CHD9: variants seen among roughly 807,000 people sequenced by gnomAD.
CHD9 encodes chromodomain helicase DNA binding protein 9.
CHD9 carries 77 observed loss-of-function variants against 316.1 expected under a neutral mutation model. The observed-to-expected ratio is 0.24, with a 90% confidence interval of 0.20 to 0.29. The LOEUF is 0.29. Among genes scored for constraint, CHD9 ranks in the 10% least tolerant of loss-of-function variants. CHD9 has a pLI of 1.00. For missense variants in CHD9, 2,763 were observed against 3,438.1 expected (o/e 0.80, Z 4.91); for synonymous variants, 1,129 against 1,158.3 (o/e 0.97, Z 0.51).
At chr16:53,080,653 A>G (rs2034940954) in intron 1 of CHD9, among the ~76,000 whole-genome samples, 1 of 152,218 alleles carries the variant, frequency 6.6e-6, no homozygotes, top group Non-Finnish European at 1.5e-5. Context: ...CTGTTGAGCC[A>G]GGAAGCGTAG....
At chr16:53,317,555 C>T (rs944868523) in intron 36 of CHD9, among the ~76,000 whole-genome samples, 6 of 152,028 alleles carry the variant, frequency 3.9e-5, no homozygotes, top group Admixed American at 1.3e-4. Context: ...TGCAGTGGCA[C>T]GATCATGGCT....
intron 3 of CHD9, among the ~76,000 whole-genome samples, chr16:53,211,546 T>C (rs2046335206): frequency 6.6e-6 from 1 of 152,172 alleles, no homozygotes; most frequent in Non-Finnish European, 1.5e-5. Context: ...TTTGGCTAAA[T>C]ACATGGTAAA....
chr16:53,291,596 A>C, intron 27 of CHD9, 129 bp from the exon 28 acceptor site: 2 of 581,230 alleles, frequency 3.4e-6, no homozygotes, highest in Non-Finnish European at 2.9e-6. Context: ...TATTTTTGCT[A>C]AATTAATTAT....
At chr16:53,204,056 TATACACACACAC>T (rs1207943832) in intron 2 of CHD9, among the ~76,000 whole-genome samples, 10 of 111,456 alleles carry the variant, frequency 9.0e-5, no homozygotes, top group East Asian at 2.7e-4. Context: ...AAAATATATA[TATACACACACAC>T]ACACACACAC....
At position 53,215,820 on chromosome 16, in the gene CHD9, G is replaced by A. The variant is rs114838454; in HGVS notation, c.1784+6007G>A. On this transcript the variant is annotated intron_variant, in intron 3 of 38. Coordinates refer to ENST00000447540, the MANE Select transcript of CHD9 (RefSeq NM_001308319.2). Reference sequence around the variant, plus strand: ...TAACACTTGGGCAGGATTGAAATAAGTGCATAAATTACATCTGAAAATCAA... The same window carrying A: ...TAACACTTGGGCAGGATTGAAATAAATGCATAAATTACATCTGAAAATCAA... Among the ~76,000 whole-genome samples the A allele has an allele frequency of 1.7e-3, 264 of 152,238 alleles. 1 individual carries two copies. Among genetic ancestry groups the A allele is most frequent in the African/African-American group, 5.7e-3 (237 of 41,540 alleles).
chr16:53,100,069 G>A (rs912386355), intron 1 of CHD9, among the ~76,000 whole-genome samples: 5 of 152,354 alleles, frequency 3.3e-5, no homozygotes, highest in Non-Finnish European at 7.3e-5. Context: ...TGCAGGGGAT[G>A]AAGCGGTGAA....
chr16:53,121,441 GC>G (rs1419411391), intron 1 of CHD9: 1 of 455,928 alleles, frequency 2.2e-6, no homozygotes, highest in Non-Finnish European at 4.4e-6. Flanking sequence ...AGGACAAGCA[GC>G]TGTTTATAAA....
At chr16:53,163,874 C>G (rs2042092241) in intron 2 of CHD9, among the ~76,000 whole-genome samples, 1 of 152,154 alleles carries the variant, frequency 6.6e-6, no homozygotes, top group South Asian at 2.1e-4. Context: ...AAGCACTGTT[C>G]TGAATACTTA....
chr16:53,236,518 A>G (rs568519261), intron 11 of CHD9, among the ~76,000 whole-genome samples: 1 of 151,926 alleles, frequency 6.6e-6, no homozygotes, highest in East Asian at 1.9e-4. Flanking sequence ...GACTATTGCC[A>G]TCCCTTCAGT....
chr16:53,251,260 C>T (rs2050103814), intron 17 of CHD9, among the ~76,000 whole-genome samples: 1 of 152,134 alleles, frequency 6.6e-6, no homozygotes, highest in African/African-American at 2.4e-5. Flanking sequence ...TACATTAAAC[C>T]CAAATCATAA....
rs191737108 is a variant in CHD9 at position 53,224,386 on chromosome 16, A to G, written c.1896+1631A>G. 3.8e-4 allele frequency among the ~76,000 whole-genome samples: 58 copies of G among 152,318 alleles called. 1 individual carries two copies. The highest frequency in any genetic ancestry group is 1.2e-3 in the Admixed American group (18 of 15,300). On this transcript the variant is annotated intron_variant, in intron 4 of 38. Transcript: ENST00000447540. ...GGCTTTACCTAAGTAATGTGTAACT[A>G]TGTCCTCTAGTGGAGTGTAATTTAT...
Position 53,247,302 on chromosome 16 carries a change from A to C in CHD9, c.3464A>C (p.Glu1155Ala). ...CCTATTTCTTTGACAGGTGCTGAGG[A>C]GAAAATACTTGGAGAATTTAGAGAT... The part of the protein sequence containing the change: ...NHPYLIKGAE[E>A]KILGEFRDTY... Residue 1155 changes from glutamate to alanine, a missense_variant, in exon 16 of 39, where the codon GAG becomes GCG. This residue lies in a region of CHD9 where 155 missense variants were observed against 291.8 expected (regional missense o/e 0.53). Transcript: ENST00000447540. 1 of 1,595,744 alleles carries C rather than the reference A, an allele frequency of 6.3e-7. No homozygotes were observed. The highest frequency in any genetic ancestry group is 8.6e-7 in the Non-Finnish European group (1 of 1,169,570).
intron 37 of CHD9, chr16:53,319,822 T>C (rs2057140321): frequency 1.0e-5 from 13 of 1,266,728 alleles, no homozygotes; most frequent in East Asian, 5.8e-5. Context: ...GGCTTAAGGA[T>C]TGATGAGTTA....
intron 1 of CHD9, among the ~76,000 whole-genome samples, chr16:53,116,187 G>A (rs1176506497): frequency 6.6e-6 from 1 of 152,168 alleles, no homozygotes; most frequent in Admixed American, 6.5e-5. Context: ...AGCCTCCCGA[G>A]CAGCTGAGAT....
At position 53,270,414 on chromosome 16, in the gene CHD9, T is replaced by A. The variant is rs1439744747; in HGVS notation, c.4717+2288T>A. On this transcript the variant is annotated intron_variant, in intron 22 of 38. Coordinates refer to ENST00000447540, the MANE Select transcript of CHD9 (RefSeq NM_001308319.2). ...GGGCTGATAATAGTGTTGTAGCTAT[T>A]TTAATGGAGGCTTTATCACTAAATA... Among the ~76,000 whole-genome samples the A allele has an allele frequency of 2.6e-5, 4 of 152,158 alleles. No individual in the cohort carries two copies. In the South Asian group the frequency reaches 8.3e-4, roughly 32 times the overall value.
At chr16:53,227,072 C>G (rs2047722654) in intron 5 of CHD9, 2 of 233,104 alleles carry the variant, frequency 8.6e-6, no homozygotes, top group Non-Finnish European at 8.3e-6. Context: ...ACTTATTTAA[C>G]TATGCCTAAA....
intron 2 of CHD9, among the ~76,000 whole-genome samples, chr16:53,192,838 A>T (rs752690828): frequency 6.6e-6 from 1 of 152,216 alleles, no homozygotes; most frequent in Non-Finnish European, 1.5e-5. Flanking sequence ...ATATTCCATT[A>T]TATAAATGCA....
chr16:53,201,612 T>G (rs1211831704), intron 2 of CHD9, among the ~76,000 whole-genome samples: 1 of 152,134 alleles, frequency 6.6e-6, no homozygotes, highest in East Asian at 1.9e-4. Flanking sequence ...GAATATAAAT[T>G]TTTAAATTTC....
intron 3 of CHD9, among the ~76,000 whole-genome samples, chr16:53,210,852 C>A (rs555272977): frequency 1.3e-5 from 2 of 151,890 alleles, no homozygotes; most frequent in African/African-American, 4.8e-5. Context: ...CAGGTCCAAA[C>A]GATTAAATAA....
Sources: allele counts gnomAD v4.1 joint callset (sites outside exome capture counted in the v4.1 genomes callset), GRCh38; gene constraint gnomAD v4.1.1; regional missense constraint gnomAD v4.1.1; transcripts MANE v1.5; gene names NCBI Gene and HGNC (gene_info 2026-07-23, HGNC 2026-07-21).